The following ZNRF1 variants were observed in gnomAD, a reference collection of about 807,000 sequenced individuals.
ZNRF1 encodes zinc and ring finger 1.
Under a neutral mutation model 18.4 loss-of-function variants are expected in ZNRF1, and 3 were observed. The ratio of observed to expected loss-of-function variants is 0.16; its 90% CI spans 0.07 to 0.42. The LOEUF (loss-of-function observed/expected upper bound fraction) is 0.42, where lower values mean the gene tolerates loss of function less well. Ranked by LOEUF, ZNRF1 falls within the 10% of genes least tolerant of loss-of-function variation. The pLI is 0.99. For missense variants in ZNRF1, 310 were observed against 329.8 expected, an observed-to-expected ratio of 0.94 and a Z score of 0.47; for synonymous variants, 157 against 144.2, an observed-to-expected ratio of 1.09 and a Z score of -0.64.
chr16:75,099,969 C>T (rs2036237463), intron 2 of ZNRF1, among the ~76,000 whole-genome samples: 1 of 152,230 alleles, frequency 6.6e-6, no homozygotes, highest in Admixed American at 6.5e-5. Context: ...CAGCCCACTG[C>T]AACCTCTTGC....
intron 1 of ZNRF1, among the ~76,000 whole-genome samples, chr16:75,091,192 C>T (rs1183933528): frequency 6.6e-6 from 1 of 151,974 alleles, no homozygotes; most frequent in Non-Finnish European, 1.5e-5. Flanking sequence ...AACCTAGTCT[C>T]TCCTAAAAAT....
At chr16:75,033,166 A>G (rs1206034052) in intron 1 of ZNRF1, among the ~76,000 whole-genome samples, 2 of 148,394 alleles carry the variant, frequency 1.3e-5, no homozygotes, top group East Asian at 3.9e-4. Context: ...AAATATTATT[A>G]TTTGATTTCT....
intron 1 of ZNRF1, among the ~76,000 whole-genome samples, chr16:75,091,433 A>C (rs1476758549): frequency 6.6e-6 from 1 of 152,046 alleles, no homozygotes; most frequent in Non-Finnish European, 1.5e-5. Flanking sequence ...CATATGGAAA[A>C]TTTGACTAAC....
At chr16:75,025,876 G>A (rs1016148351) in intron 1 of ZNRF1, among the ~76,000 whole-genome samples, 22 of 152,136 alleles carry the variant, frequency 1.4e-4, no homozygotes, top group African/African-American at 5.3e-4. Flanking sequence ...ACCAGGCAGT[G>A]GGGGGACGGG....
At chr16:75,019,346 C>G (rs1453950984) in intron 1 of ZNRF1, among the ~76,000 whole-genome samples, 1 of 151,798 alleles carries the variant, frequency 6.6e-6, no homozygotes, top group Non-Finnish European at 1.5e-5. Context: ...GGACAAAATA[C>G]AGCTTTTTAT....
intron 1 of ZNRF1, among the ~76,000 whole-genome samples, chr16:75,051,587 G>C (rs557661510): frequency 1.5e-4 from 21 of 144,266 alleles, no homozygotes; most frequent in African/African-American, 5.4e-4. Context: ...GCATGATCTC[G>C]GCTCACTGCA....
chr16:75,031,483 T>C (rs962838388), intron 1 of ZNRF1, among the ~76,000 whole-genome samples: 9 of 151,986 alleles, frequency 5.9e-5, no homozygotes, highest in South Asian at 2.1e-4. Flanking sequence ...AAATTTTTTT[T>C]CTAAGGTTTT....
intron 2 of ZNRF1, among the ~76,000 whole-genome samples, chr16:75,100,866 G>A (rs1159923892): frequency 3.9e-5 from 6 of 152,206 alleles, no homozygotes; most frequent in Non-Finnish European, 8.8e-5. Context: ...AAGCTATGCT[G>A]TTTTTCCTCC....
In ZNRF1 at chr16:75,110,192, C is replaced by G. The variant is rs538337920; in HGVS notation, c.*2492C>G. 6 of 128,054 alleles carry G rather than the reference C, an allele frequency of 4.7e-5. No homozygotes were observed. The East Asian group carries it at 1.3e-3, about 27-fold the overall frequency. The allele number at this position is 128,054 out of a possible 1,614,324, so 7.9% of individuals were successfully genotyped here. On this transcript the variant is annotated 3_prime_UTR_variant, in exon 5 of 5. Transcript: ENST00000335325. ...GCAGCCCTCTGCCGGCTGTGGTGTC[C>G]TCTGAATTTGGACCCAGGTTGCCTG...
chr16:75,015,089 A>G (rs1229478126), intron 1 of ZNRF1, among the ~76,000 whole-genome samples: 1 of 149,780 alleles, frequency 6.7e-6, no homozygotes, highest in Non-Finnish European at 1.5e-5. Context: ...GTCTTCTCTC[A>G]GTTTGTGGCT....
At chr16:75,010,251 G>A (rs928183603) in intron 1 of ZNRF1, among the ~76,000 whole-genome samples, 1 of 152,174 alleles carries the variant, frequency 6.6e-6, no homozygotes, top group Non-Finnish European at 1.5e-5. Flanking sequence ...CCAAAGTGCA[G>A]GGATTACAGG....
At chr16:75,090,714 T>G (rs2036127401) in intron 1 of ZNRF1, among the ~76,000 whole-genome samples, 1 of 152,098 alleles carries the variant, frequency 6.6e-6, no homozygotes, top group African/African-American at 2.4e-5. Context: ...CTGTCCACTT[T>G]GTCTGTAGTT....
At chr16:75,004,760 G>T (rs942436645) in intron 1 of ZNRF1, among the ~76,000 whole-genome samples, 1 of 151,914 alleles carries the variant, frequency 6.6e-6, no homozygotes, top group African/African-American at 2.4e-5. Flanking sequence ...ACTCAGGTGC[G>T]CACCACTACA....
intron 2 of ZNRF1, among the ~76,000 whole-genome samples, chr16:75,099,450 G>A (rs745619295): frequency 1.1e-4 from 16 of 151,982 alleles, no homozygotes; most frequent in Non-Finnish European, 2.2e-4. Flanking sequence ...GGCCGTGCTC[G>A]CCATTCTGGT....
intron 1 of ZNRF1, among the ~76,000 whole-genome samples, chr16:75,053,037 G>A (rs943920271): frequency 6.6e-6 from 1 of 152,164 alleles, no homozygotes; most frequent in Admixed American, 6.5e-5. Context: ...TGGAAGTGAG[G>A]GAGGAGCCTC....
chr16:75,075,434 C>G (rs903396777), intron 1 of ZNRF1, among the ~76,000 whole-genome samples: 1 of 152,238 alleles, frequency 6.6e-6, no homozygotes, highest in Non-Finnish European at 1.5e-5. Context: ...GTCTCACACA[C>G]GCTTCACTGT....
chr16:75,074,754 G>T (rs1033070299), intron 1 of ZNRF1, among the ~76,000 whole-genome samples: 1 of 151,996 alleles, frequency 6.6e-6, no homozygotes, highest in Non-Finnish European at 1.5e-5. Context: ...TTTTTTGTTT[G>T]TCTGAAAATT....
intron 1 of ZNRF1, among the ~76,000 whole-genome samples, chr16:75,013,835 T>A (rs754923465): frequency 1.7e-4 from 26 of 152,136 alleles, no homozygotes; most frequent in East Asian, 5.8e-4. Flanking sequence ...AATTTAATTT[T>A]ATTTTTTTTT....
At chr16:75,078,647 A>G (rs1008431046) in intron 1 of ZNRF1, among the ~76,000 whole-genome samples, 1 of 152,182 alleles carries the variant, frequency 6.6e-6, no homozygotes, top group East Asian at 1.9e-4. Context: ...TCTGATGCCA[A>G]TATTCTGGGA....
Sources: allele counts gnomAD v4.1 joint callset (sites outside exome capture counted in the v4.1 genomes callset), GRCh38; gene constraint gnomAD v4.1.1; transcripts MANE v1.5; gene names NCBI Gene and HGNC (gene_info 2026-07-23, HGNC 2026-07-21).